The following SQSTM1 variants were observed in gnomAD, a reference collection of about 807,000 sequenced individuals.
SQSTM1 encodes the protein sequestosome-1.
Under a neutral mutation model 45.1 loss-of-function variants are expected in SQSTM1, and 36 were observed. The observed-to-expected ratio is 0.80, with a 90% confidence interval of 0.61 to 1.05. The LOEUF is 1.05. Among genes scored for constraint, SQSTM1 ranks in the 50% least tolerant of loss-of-function variants. The pLI, the probability that SQSTM1 is intolerant of heterozygous loss-of-function variation, is 0.00. For missense variants in SQSTM1, 617 were observed against 607.1 expected (o/e 1.02, Z -0.17); for synonymous variants, 290 against 244.3 (o/e 1.19, Z -1.74).
At chr5:179,830,901 C>T (rs1429227527) in intron 5 of SQSTM1, among the ~76,000 whole-genome samples, 6 of 151,992 alleles carry the variant, frequency 3.9e-5, no homozygotes, top group Non-Finnish European at 7.4e-5. Flanking sequence ...TGGGGTCTTG[C>T]CATGCTGCCC....
rs750423230 is a variant in SQSTM1, at chr5:179,836,654, G to C, written c.*61G>C. ...TGTCTCATAGTTGTGTTAAGCTTGC[G>C]TAGAATTGCAGGTCTCTGTACGGGC... On this transcript the variant is annotated 3_prime_UTR_variant, in exon 8 of 8. Coordinates refer to ENST00000389805, the MANE Select transcript of SQSTM1 (RefSeq NM_003900.5). The C allele has an allele frequency of 6.2e-7, 1 of 1,611,944 alleles. No individual in the cohort carries two copies. Among genetic ancestry groups the C allele is most frequent in the Non-Finnish European group, 8.5e-7 (1 of 1,178,138 alleles).
intron 6 of SQSTM1, 37 bp downstream of exon 6, chr5:179,833,283 C>T (rs1396595620): frequency 3.3e-6 from 5 of 1,532,030 alleles, no homozygotes; most frequent in African/African-American, 1.4e-5. Context: ...GGGACCACGG[C>T]CAGCCTAGTG....
In SQSTM1 at chr5:179,833,155, C is replaced by T. The variant is rs758346353; in HGVS notation, c.878C>T (p.Pro293Leu). The T allele has an allele frequency of 2.5e-6, 4 of 1,614,108 alleles. No individual in the cohort carries two copies. Among genetic ancestry groups the T allele is most frequent in the South Asian group, 1.1e-5 (1 of 91,080 alleles). The part of the protein sequence containing the change: ...SSQPSSCCSD[P>L]SKPGGNVEGA... The stretch of plus-strand genomic sequence containing the variant: ...CAGCCAAGCAGCTGCTGCTCTGACC[C>T]CAGCAAGCCGGGTGGGAATGTTGAG... The change falls in exon 6 of 8, where the codon CCC becomes CTC. Residue 293 changes from proline to leucine, a missense_variant. Physicochemically the swap from Pro to Leu is moderately conservative, Grantham distance 98 (BLOSUM62 -3). Transcript: ENST00000389805.
Position 179,823,912 on chromosome 5 carries a change from G to T in SQSTM1, c.356G>T (p.Arg119Leu). The T allele has an allele frequency of 6.2e-7, 1 of 1,613,564 alleles. No homozygotes were observed. The highest frequency in any genetic ancestry group is 8.5e-7 in the Non-Finnish European group (1 of 1,180,012). The change falls in exon 3 of 8, where the codon CGC (arginine) becomes CTC (leucine). Residue 119 changes from arginine to leucine, a missense_variant. By Grantham distance (102) the Arg-to-Leu change is moderately radical. Transcript: ENST00000389805. ...HRPPCAQEAP[R>L]NMVHPNVICD... ...CCACCGTGTGCTCAGGAGGCGCCCC[G>T]CAACATGGTGCACCCCAATGTGATC...
intron 7 of SQSTM1, chr5:179,836,230 C>T (rs1300392505): frequency 3.1e-6 from 2 of 651,366 alleles, no homozygotes; most frequent in East Asian, 2.6e-5. Context: ...CCTGGTGTCG[C>T]AGTGGCAGAG....
chr5:179,811,212 G>A (rs914188025), intron 1 of SQSTM1, among the ~76,000 whole-genome samples: 7 of 151,590 alleles, frequency 4.6e-5, no homozygotes, highest in Non-Finnish European at 1.0e-4. Context: ...CAGCCTGGGC[G>A]ACAGAGCGAG....
intron 1 of SQSTM1, chr5:179,808,013 T>C (rs1356281536): frequency 6.6e-6 from 1 of 152,274 alleles, no homozygotes; most frequent in Non-Finnish European, 1.5e-5. Context: ...GCGCAAATTA[T>C]AAAGGGACTG....
intron 1 of SQSTM1, chr5:179,807,969 A>T (rs1757253866): frequency 6.6e-6 from 1 of 152,278 alleles, no homozygotes; most frequent in Non-Finnish European, 1.5e-5. Context: ...TTCTAATTTC[A>T]GGCGTTCCTC....
intron 5 of SQSTM1, among the ~76,000 whole-genome samples, chr5:179,830,162 G>C (rs1758154783): frequency 6.6e-6 from 1 of 151,980 alleles, no homozygotes; most frequent in Non-Finnish European, 1.5e-5. Context: ...TAGTTTCTTG[G>C]CAATGAGGCC....
chr5:179,826,610 T>C (rs1211310270), intron 5 of SQSTM1, among the ~76,000 whole-genome samples: 5 of 151,452 alleles, frequency 3.3e-5, no homozygotes, highest in African/African-American at 4.9e-5. Flanking sequence ...TTTTTTTTTT[T>C]TTTCTTTGAG....
rs1032814197 is a variant in SQSTM1 at position 179,837,169 on chromosome 5, C to T, written c.*576C>T. ...TGTAGTTCTCTCATTTCCAAACCAT[C>T]AGCTGCTTTTAAAATAAGATCTCTT... is the stretch of plus-strand genomic sequence containing the variant. On this transcript the variant is annotated 3_prime_UTR_variant, in exon 8 of 8. Coordinates refer to ENST00000389805, the MANE Select transcript of SQSTM1 (RefSeq NM_003900.5). 1.3e-5 allele frequency: 20 copies of T among 1,486,098 alleles called. No homozygotes were observed. Among genetic ancestry groups the T allele is most frequent in the Non-Finnish European group, 1.8e-5 (20 of 1,099,954 alleles). 92.1% of individuals were successfully genotyped at this position (1,486,098 alleles called of 1,614,324 possible). A position where few individuals can be genotyped will look rare whatever the true frequency, so the allele number is the denominator to read the frequency against.
intron 5 of SQSTM1, among the ~76,000 whole-genome samples, chr5:179,832,108 T>C (rs1391514770): frequency 1.3e-5 from 2 of 151,958 alleles, no homozygotes; most frequent in African/African-American, 4.8e-5. Flanking sequence ...TAACAAAAAA[T>C]TGCGTCTTGG....
intron 5 of SQSTM1, among the ~76,000 whole-genome samples, chr5:179,828,367 A>ATT (rs1758082914): frequency 2.1e-5 from 2 of 94,652 alleles, no homozygotes; most frequent in African/African-American, 4.3e-5. Context: ...TTTTTTTCTT[A>ATT]TCTTTTTTTT....
At chr5:179,830,335 A>G (rs1362262121) in intron 5 of SQSTM1, among the ~76,000 whole-genome samples, 1 of 152,164 alleles carries the variant, frequency 6.6e-6, no homozygotes, top group Non-Finnish European at 1.5e-5. Flanking sequence ...ACAAACATGA[A>G]CAGCTAGGAG....
At chr5:179,828,435 G>A (rs913143819) in intron 5 of SQSTM1, among the ~76,000 whole-genome samples, 4 of 132,910 alleles carry the variant, frequency 3.0e-5, no homozygotes, top group Non-Finnish European at 6.2e-5. Flanking sequence ...GTGCAATGGT[G>A]TGATCTTGGC....
intron 1 of SQSTM1, chr5:179,821,782 C>CCTAA (rs150127899): frequency 0.013 from 4,168 of 314,510 alleles, 207 homozygotes; most frequent in African/African-American, 0.09. Context: ...GCACAGAAGC[C>CCTAA]CTGTTTCCTG....
At chr5:179,835,135 G>A (rs562525940) in intron 7 of SQSTM1, 13 of 211,712 alleles carry the variant, frequency 6.1e-5, no homozygotes, top group South Asian at 1.0e-4. Flanking sequence ...ACAGGGCGGC[G>A]GGGCAGAGGC....
intron 5 of SQSTM1, among the ~76,000 whole-genome samples, chr5:179,829,965 C>T (rs1046088401): frequency 6.6e-6 from 1 of 152,112 alleles, no homozygotes; most frequent in African/African-American, 2.4e-5. Context: ...TGAAAATTAG[C>T]CAGGCATGGA....
In SQSTM1 at chr5:179,823,011, A is replaced by G. The variant is rs1212100680; in HGVS notation, c.259A>G (p.Met87Val). 1.2e-6 allele frequency: 2 copies of G among 1,614,032 alleles called. No homozygotes were observed. Among genetic ancestry groups the G allele is most frequent in the Non-Finnish European group, 1.7e-6 (2 of 1,180,034 alleles). ...FSSDEELTMA[M>V]SYVKDDIFRI... Reference sequence around the variant, plus strand: ...CAGTGACGAGGAATTGACAATGGCCATGTCCTACGTGAAGGATGACATCTT... The same window carrying G: ...CAGTGACGAGGAATTGACAATGGCCGTGTCCTACGTGAAGGATGACATCTT... The change falls in exon 2 of 8, where the codon ATG becomes GTG. Residue 87 changes from methionine (M) to valine (V), a missense_variant. By Grantham distance (21) the Met-to-Val change is conservative. Coordinates refer to ENST00000389805, the MANE Select transcript of SQSTM1 (RefSeq NM_003900.5).
Sources: gnomAD v4.1 joint callset for allele counts (sites outside exome capture counted in the v4.1 genomes callset) on GRCh38, gnomAD v4.1.1 for gene constraint, MANE v1.5 for transcripts, NCBI Gene and HGNC (gene_info 2026-07-23, HGNC 2026-07-21) for gene names.